The following CD96 variants were observed in gnomAD, a reference collection of about 807,000 sequenced individuals.
CD96 encodes the protein CD96 molecule, also known as T-cell surface protein tactile.
A neutral mutation model predicts 71.3 loss-of-function variants in CD96; 70 were observed. The ratio of observed to expected loss-of-function variants is 0.98; its 90% confidence interval spans 0.81 to 1.20. The LOEUF (loss-of-function observed/expected upper bound fraction) is 1.20, where lower values mean the gene tolerates loss of function less well. Among genes scored for constraint, CD96 ranks in the 50% most tolerant of loss-of-function variants. The pLI is 0.00. For missense variants in CD96, 742 were observed against 677.5 expected, an observed-to-expected ratio of 1.10 and a Z score of -1.06; for synonymous variants, 248 against 233.0, an observed-to-expected ratio of 1.06 and a Z score of -0.59.
intron 3 of CD96, among the ~76,000 whole-genome samples, chr3:111,577,017 A>G (rs1936248896): frequency 6.6e-6 from 1 of 152,160 alleles, no homozygotes; most frequent in Non-Finnish European, 1.5e-5. Flanking sequence ...CTAATGAAGG[A>G]ACAAACCCTT....
At chr3:111,554,481 C>T (rs1430875563) in intron 2 of CD96, among the ~76,000 whole-genome samples, 1 of 152,044 alleles carries the variant, frequency 6.6e-6, no homozygotes, top group East Asian at 1.9e-4. Context: ...ATTTGTTTGT[C>T]TGTTCCTATG....
At chr3:111,625,119 A>G (rs1938687149) in intron 10 of CD96, among the ~76,000 whole-genome samples, 1 of 152,224 alleles carries the variant, frequency 6.6e-6, no homozygotes, top group African/African-American at 2.4e-5. Context: ...TTTGGAAAGC[A>G]TTTAAGTTTT....
At chr3:111,589,706 G>T (rs1293724163) in intron 5 of CD96, among the ~76,000 whole-genome samples, 1 of 152,120 alleles carries the variant, frequency 6.6e-6, no homozygotes, top group Non-Finnish European at 1.5e-5. Flanking sequence ...AAAAATTGGG[G>T]CCTGGAAAGT....
chr3:111,616,249 G>A (rs1383289552), intron 8 of CD96, among the ~76,000 whole-genome samples: 1 of 152,062 alleles, frequency 6.6e-6, no homozygotes, highest in Non-Finnish European at 1.5e-5. Flanking sequence ...ATAACACATG[G>A]TTACCAATAA....
rs1939423195 is a variant in CD96, at chr3:111,638,113, A to G, written c.1422A>G (p.Ser474=). 3 of 1,611,282 alleles carry G rather than the reference A, an allele frequency of 1.9e-6. No individual in the cohort carries two copies. Among genetic ancestry groups the G allele is most frequent in the Non-Finnish European group, 8.5e-7 (1 of 1,177,430 alleles). The part of the protein sequence containing the change: ...NVFTSTARAF[S]EVPTTANGST... ...TTACCAGCACAGCCAGAGCATTTTC[A>G]GAAGTCCCCACAACTGCCAATGGAT... Residue 474 remains serine (S), a synonymous_variant, in exon 12 of 14, where the codon TCA becomes TCG. Transcript: ENST00000352690.
chr3:111,590,269 G>C (rs1936916073), intron 5 of CD96, among the ~76,000 whole-genome samples: 1 of 152,176 alleles, frequency 6.6e-6, no homozygotes, highest in Non-Finnish European at 1.5e-5. Flanking sequence ...GTGATGTTAA[G>C]GATCAAGTAA....
At chr3:111,542,822 C>T (rs1193353172) in intron 1 of CD96, among the ~76,000 whole-genome samples, 2 of 152,104 alleles carry the variant, frequency 1.3e-5, no homozygotes, top group Non-Finnish European at 1.5e-5. Context: ...AGGTATGAAC[C>T]TGGGAGACAA....
intron 5 of CD96, among the ~76,000 whole-genome samples, chr3:111,589,301 C>T (rs1366915763): frequency 6.6e-6 from 1 of 152,136 alleles, no homozygotes; most frequent in African/African-American, 2.4e-5. Context: ...CCAGTGTTTA[C>T]AGGTAATATG....
intron 12 of CD96, among the ~76,000 whole-genome samples, 156 bp downstream of exon 12, chr3:111,638,324 G>T (rs1939435017): frequency 6.6e-6 from 1 of 152,204 alleles, no homozygotes; most frequent in African/African-American, 2.4e-5. Flanking sequence ...GATCGATCAT[G>T]TGTATAGTAA....
At position 111,637,227 on chromosome 3, in the gene CD96, T is replaced by C; in HGVS notation, c.1353T>C (p.Ser451=). 1.9e-6 allele frequency: 3 copies of C among 1,593,586 alleles called. No homozygotes were observed. The highest frequency in any genetic ancestry group is 1.7e-5 in the Admixed American group (1 of 59,996). The change falls in exon 11 of 14, where the codon AGT becomes AGC. Residue 451 remains serine (S), a synonymous_variant. Coordinates refer to ENST00000352690, the MANE Select transcript of CD96 (RefSeq NM_005816.5). ...SVSRIPSETY[S]SSPSGAGSTL... is the part of the protein sequence containing the mutation. The stretch of plus-strand genomic sequence containing the variant: ...CACGGATACCTAGTGAAACATACAG[T>C]TCATCCCCGTCAGGTGCAGGCTCAA...
chr3:111,545,104 T>A lies in CD96; in HGVS notation c.120T>A (p.Asp40Glu). 3.7e-6 allele frequency: 6 copies of A among 1,614,204 alleles called. No individual in the cohort carries two copies. The highest frequency in any genetic ancestry group is 5.1e-6 in the Non-Finnish European group (6 of 1,180,036). Residue 40 changes from aspartate (D) to glutamate (E), a missense_variant, in exon 2 of 14, where the codon GAT (aspartate) becomes GAA (glutamate). Asp to Glu is a conservative substitution (Grantham distance 45). Transcript: ENST00000352690. The part of the protein sequence containing the change: ...EENVYATLGS[D>E]VNLTCQTQTV... ...ATGTTTATGCTACACTTGGCTCTGA[T>A]GTCAACCTGACCTGCCAAACACAGA...
chr3:111,553,285 G>C (rs1934814527), intron 2 of CD96, among the ~76,000 whole-genome samples: 1 of 151,258 alleles, frequency 6.6e-6, no homozygotes, highest in Admixed American at 6.6e-5. Flanking sequence ...CGATATATTT[G>C]TTGAATAAAT....
chr3:111,609,281 C>A (rs1479327737), intron 8 of CD96, among the ~76,000 whole-genome samples: 1 of 152,082 alleles, frequency 6.6e-6, no homozygotes, highest in African/African-American at 2.4e-5. Context: ...AAGCCTTGAG[C>A]CCCAGTTTAA....
chr3:111,562,344 G>T (rs1935492312), intron 2 of CD96, among the ~76,000 whole-genome samples: 1 of 152,004 alleles, frequency 6.6e-6, no homozygotes, highest in African/African-American at 2.4e-5. Context: ...ATTCCTCCAT[G>T]TCTCATAATT....
At chr3:111,648,746 C>T (rs1042949042) in intron 13 of CD96, among the ~76,000 whole-genome samples, 1 of 152,116 alleles carries the variant, frequency 6.6e-6, no homozygotes, top group Non-Finnish European at 1.5e-5. Flanking sequence ...TATCCTCCTT[C>T]CCCCACTACC....
chr3:111,611,914 C>G (rs1937961337), intron 8 of CD96, among the ~76,000 whole-genome samples: 1 of 152,140 alleles, frequency 6.6e-6, no homozygotes, highest in African/African-American at 2.4e-5. Context: ...AGCCCACAGC[C>G]CAGCATGTCT....
chr3:111,548,002 C>T (rs888044281), intron 2 of CD96, among the ~76,000 whole-genome samples: 1 of 152,154 alleles, frequency 6.6e-6, no homozygotes, highest in East Asian at 1.9e-4. Flanking sequence ...TCTTTCTACC[C>T]TTTACTGTTT....
At chr3:111,607,128 A>C in intron 8 of CD96, 1 of 291,048 alleles carries the variant, frequency 3.4e-6, no homozygotes, top group Non-Finnish European at 6.6e-6. Flanking sequence ...AGCTTCCAAA[A>C]TCCTTTACTT....
chr3:111,615,713 C>G (rs1938197622), intron 8 of CD96, among the ~76,000 whole-genome samples: 1 of 152,078 alleles, frequency 6.6e-6, no homozygotes, highest in Admixed American at 6.6e-5. Flanking sequence ...TAAACAAAAC[C>G]AGGCTCACAA....
Sources: allele counts gnomAD v4.1 joint callset (sites outside exome capture counted in the v4.1 genomes callset), GRCh38; gene constraint gnomAD v4.1.1; transcripts MANE v1.5; gene names NCBI Gene and HGNC (gene_info 2026-07-23, HGNC 2026-07-21).